Variants in TNR observed in about 807,000 individuals in gnomAD.
TNR encodes tenascin-R.
In TNR, 45 loss-of-function variants were observed where a neutral mutation model predicts 150.4. The observed-to-expected ratio is 0.30, with a 90% CI of 0.24 to 0.38. TNR has a LOEUF of 0.38. TNR is among the 10% of genes least tolerant of loss of function. The pLI, the probability that TNR is intolerant of heterozygous loss-of-function variation, is 1.00. For synonymous variants in TNR, 687 were observed against 678.4 expected (o/e 1.01, Z -0.20); for missense variants, 1,544 against 1,759.1 (o/e 0.88, Z 2.19).
intron 2 of TNR, among the ~76,000 whole-genome samples, chr1:175,428,427 A>T (rs1655111214): frequency 6.6e-6 from 1 of 152,214 alleles, no homozygotes; most frequent in African/African-American, 2.4e-5. Context: ...ATTGTTAATG[A>T]TGACAGGACT....
intron 1 of TNR, among the ~76,000 whole-genome samples, chr1:175,653,905 A>G (rs191441029): frequency 7.9e-4 from 121 of 152,322 alleles, no homozygotes; most frequent in African/African-American, 2.7e-3. Flanking sequence ...TACTATTTCC[A>G]AGCACTGGGA....
intron 1 of TNR, chr1:175,538,960 C>T (rs925353300): frequency 6.6e-6 from 1 of 152,260 alleles, no homozygotes; most frequent in African/African-American, 2.4e-5. Flanking sequence ...CAAGGCCATC[C>T]TCATGGGGGA....
intron 1 of TNR, among the ~76,000 whole-genome samples, chr1:175,682,254 A>G (rs1466471567): frequency 6.6e-6 from 1 of 151,530 alleles, no homozygotes; most frequent in Non-Finnish European, 1.5e-5. Context: ...TGGATATTAT[A>G]ATCATAGCTA....
intron 2 of TNR, among the ~76,000 whole-genome samples, chr1:175,427,893 C>G (rs1164115730): frequency 4.8e-5 from 5 of 103,296 alleles, no homozygotes; most frequent in African/African-American, 2.1e-4. Context: ...TTCTTCGCTT[C>G]CTTCCTTCCT....
At chr1:175,384,953 T>C (rs1317467533) in intron 8 of TNR, among the ~76,000 whole-genome samples, 1 of 152,224 alleles carries the variant, frequency 6.6e-6, no homozygotes. Flanking sequence ...TATTGAATCT[T>C]CTTGAAAACC....
At chr1:175,658,111 G>A (rs1006369030) in intron 1 of TNR, among the ~76,000 whole-genome samples, 4 of 151,718 alleles carry the variant, frequency 2.6e-5, no homozygotes, top group Non-Finnish European at 5.9e-5. Context: ...TCTTAGCTTG[G>A]TGAAGTGAGA....
intron 1 of TNR, among the ~76,000 whole-genome samples, chr1:175,727,079 A>C (rs2101949742): frequency 6.6e-6 from 1 of 152,282 alleles, no homozygotes; most frequent in East Asian, 1.9e-4. Flanking sequence ...GGCTCTCACA[A>C]GGGGGCTGCC....
At chr1:175,546,484 G>A (rs1016117220) in intron 1 of TNR, among the ~76,000 whole-genome samples, 6 of 152,192 alleles carry the variant, frequency 3.9e-5, no homozygotes, top group Non-Finnish European at 8.8e-5. Flanking sequence ...ATCAGGACAC[G>A]GCTAATGGGA....
At chr1:175,682,556 T>G (rs1249608673) in intron 1 of TNR, among the ~76,000 whole-genome samples, 2 of 152,200 alleles carry the variant, frequency 1.3e-5, no homozygotes, top group Non-Finnish European at 2.9e-5. Context: ...TCTTCTGCCC[T>G]TGTGGGATGG....
intron 1 of TNR, among the ~76,000 whole-genome samples, chr1:175,577,528 G>C (rs1174282635): frequency 6.6e-6 from 1 of 152,130 alleles, no homozygotes; most frequent in East Asian, 1.9e-4. Flanking sequence ...GTCTGACACT[G>C]CCCCACACAA....
At chr1:175,741,482 A>T (rs1166569046) in intron 1 of TNR, among the ~76,000 whole-genome samples, 1 of 152,156 alleles carries the variant, frequency 6.6e-6, no homozygotes, top group Non-Finnish European at 1.5e-5. Flanking sequence ...CTATCCACTC[A>T]CTTGTTCAAA....
intron 2 of TNR, among the ~76,000 whole-genome samples, chr1:175,462,239 T>C (rs1005939385): frequency 6.6e-6 from 1 of 152,224 alleles, no homozygotes; most frequent in Non-Finnish European, 1.5e-5. Flanking sequence ...TGTTCCCTAT[T>C]TGGTGTATGT....
chr1:175,535,452 TG>T (rs1435436944), intron 1 of TNR, among the ~76,000 whole-genome samples: 76 of 118,166 alleles, frequency 6.4e-4, no homozygotes, highest in African/African-American at 2.0e-3. Flanking sequence ...TATTTTTTGT[TG>T]TTGTTGTTGT....
At chr1:175,413,923 A>G (rs1249614634) in intron 2 of TNR, among the ~76,000 whole-genome samples, 2 of 152,212 alleles carry the variant, frequency 1.3e-5, no homozygotes, top group Admixed American at 6.5e-5. Flanking sequence ...GCTTGAGCCC[A>G]GGAGTTTGAG....
chr1:175,596,920 A>G (rs73050451), intron 1 of TNR, among the ~76,000 whole-genome samples: 1,563 of 152,274 alleles, frequency 0.01, 23 homozygotes, highest in African/African-American at 0.036. Flanking sequence ...AAAACATTTC[A>G]CCTCTGAGCT....
intron 1 of TNR, among the ~76,000 whole-genome samples, chr1:175,542,645 C>A (rs919730990): frequency 4.6e-5 from 7 of 152,184 alleles, no homozygotes; most frequent in African/African-American, 1.7e-4. Flanking sequence ...CAAACATTGA[C>A]AAGCAATTTT....
chr1:175,585,847 G>A (rs1210239589), intron 1 of TNR, among the ~76,000 whole-genome samples: 4 of 151,878 alleles, frequency 2.6e-5, no homozygotes, highest in African/African-American at 7.3e-5. Context: ...CATTAATGAA[G>A]GGCCTAGAAA....
rs373236887 is a variant in TNR at position 175,332,936 on chromosome 1, AT to A, written c.3632-2702del. Reference sequence around the variant, plus strand: ...AACCTTGAATAATAGGAAGAAAGGTATTTCCAAATTTAATCTCAGTCTTTTG... The same window carrying A: ...AACCTTGAATAATAGGAAGAAAGGTATTCCAAATTTAATCTCAGTCTTTTG... On this transcript the variant is annotated intron_variant, in intron 20 of 22. Coordinates refer to ENST00000367674, the MANE Select transcript of TNR (RefSeq NM_003285.3). Among the ~76,000 whole-genome samples the A allele has an allele frequency of 3.6e-3, 540 of 151,890 alleles. 7 individuals are homozygous for A. The highest frequency in any genetic ancestry group is 0.013 in the African/African-American group (528 of 41,126).
At chr1:175,327,096 G>A (rs933518305) in intron 21 of TNR, among the ~76,000 whole-genome samples, 3 of 151,588 alleles carry the variant, frequency 2.0e-5, no homozygotes, top group Admixed American at 6.6e-5. Context: ...TTGATTATGC[G>A]GTCTCCACCC....
Sources: allele counts gnomAD v4.1 joint callset (sites outside exome capture counted in the v4.1 genomes callset), GRCh38; gene constraint gnomAD v4.1.1; transcripts MANE v1.5; gene names NCBI Gene and HGNC (gene_info 2026-07-23, HGNC 2026-07-21).